Variants in HERC2 observed in about 807,000 individuals in gnomAD.
The protein encoded by HERC2 is HECT and RLD domain containing E3 ubiquitin protein ligase 2.
In HERC2, 102 loss-of-function variants were observed where a neutral mutation model predicts 537.7. The ratio of observed to expected loss-of-function variants is 0.19; its 90% CI spans 0.16 to 0.22. HERC2 has a LOEUF of 0.22. Ranked by LOEUF, HERC2 falls within the 10% of genes least tolerant of loss-of-function variation. HERC2 has a pLI of 1.00. For synonymous variants in HERC2, 2,224 were observed against 2,466.2 expected, an observed-to-expected ratio of 0.90 and a Z score of 2.91; for missense variants, 4,236 against 6,198.2, an observed-to-expected ratio of 0.68 and a Z score of 10.63.
intron 78 of HERC2, among the ~76,000 whole-genome samples, chr15:28,138,261 G>A (rs1217905798): frequency 6.6e-6 from 1 of 152,164 alleles, no homozygotes; most frequent in African/African-American, 2.4e-5. Context: ...AGGTGGCTAC[G>A]CTAAACAACA....
chr15:28,174,889 C>T (rs764228926), intron 64 of HERC2, among the ~76,000 whole-genome samples: 1 of 152,068 alleles, frequency 6.6e-6, no homozygotes, highest in African/African-American at 2.4e-5. Context: ...TTGCAAGACA[C>T]ACAGAAGGTC....
Position 28,178,245 on chromosome 15 carries a change from G to A in HERC2, c.9163+642C>T, listed in dbSNP as rs12591834. ...GAGAGGGGGCTGCGTGGGCAGGAGG[G>A]CACACTGTGTGGTGCTTGCCTCTTC... On this transcript the variant is annotated intron_variant, in intron 59 of 92. Coordinates refer to ENST00000261609, the MANE Select transcript of HERC2 (RefSeq NM_004667.6). 3.3e-5 allele frequency among the ~76,000 whole-genome samples: 5 copies of A among 152,210 alleles called. No individual in the cohort carries two copies. The East Asian group carries it at 5.8e-4, about 18-fold the overall frequency.
At chr15:28,318,724 G>C (rs1596476901) in intron 2 of HERC2, among the ~76,000 whole-genome samples, 3 of 152,236 alleles carry the variant, frequency 2.0e-5, no homozygotes, top group Admixed American at 2.0e-4. Flanking sequence ...GCTGGATGTA[G>C]GGCCCTAGGC....
Position 28,112,008 on chromosome 15 carries a change from G to A in HERC2, c.14260C>T (p.His4754Tyr), listed in dbSNP as rs151325729. 33 of 1,613,816 alleles carry A rather than the reference G, an allele frequency of 2.0e-5. No homozygotes were observed. Among genetic ancestry groups the A allele is most frequent in the Non-Finnish European group, 2.7e-5 (32 of 1,179,958 alleles). Residue 4754 changes from histidine (H) to tyrosine (Y), a missense_variant, in exon 93 of 93, where the codon CAC (histidine) becomes TAC (tyrosine). Transcript: ENST00000261609. ...CAGGTGTAGGACTCAGGGAGGAAGT[G>A]GTCTGGAGGGTTGTATTTATCCAAC... ...QVLDKYNPPDHFLPESYTCFF... is the reference protein window; with the variant it reads ...QVLDKYNPPDYFLPESYTCFF...
Position 28,135,639 on chromosome 15 carries a change from C to T in HERC2, c.12069G>A (p.Glu4023=), listed in dbSNP as rs755505384. 2.7e-5 allele frequency: 44 copies of T among 1,614,210 alleles called. No individual in the cohort carries two copies. The highest frequency in any genetic ancestry group is 3.6e-5 in the Non-Finnish European group (43 of 1,180,034). The change falls in exon 79 of 93, where the codon GAG becomes GAA. Residue 4023 remains glutamate (E), a synonymous_variant. Transcript: ENST00000261609. The part of the protein sequence containing the change: ...AGGRLGIGGT[E]SVSTPTLLES... Reference sequence around the variant, plus strand: ...CAAGCAATGTTGGGGTGGACACCGACTCTGTCCCTCCAATGCCTAGTCTGC... The same window carrying T: ...CAAGCAATGTTGGGGTGGACACCGATTCTGTCCCTCCAATGCCTAGTCTGC...
Position 28,113,159 on chromosome 15 carries a change from T to C in HERC2, c.14144A>G (p.Glu4715Gly). The C allele has an allele frequency of 1.2e-6, 2 of 1,614,060 alleles. No individual in the cohort carries two copies. The highest frequency in any genetic ancestry group is 1.7e-6 in the Non-Finnish European group (2 of 1,180,028). Residue 4715 changes from glutamate to glycine, a missense_variant, in exon 92 of 93, where the codon GAG becomes GGG. Coordinates refer to ENST00000261609, the MANE Select transcript of HERC2 (RefSeq NM_004667.6). This position sits in a 1 kb window ranked among gnomAD's most constrained non-coding sequence, Gnocchi z 7.0. ...WEVMESFSNT[E>G]RSLFLRFVWG... ...GACGAAGCGAAGGAAAAGAGAGCGC[T>C]CTGTGTTGGAGAAGGACTCCATCAC...
intron 37 of HERC2, among the ~76,000 whole-genome samples, chr15:28,220,088 A>G (rs977969127): frequency 2.6e-5 from 4 of 152,196 alleles, no homozygotes; most frequent in African/African-American, 7.2e-5. Context: ...GACCGAGACC[A>G]CAGGGCAATT....
At position 28,201,471 on chromosome 15, in the gene HERC2, C is replaced by T. The variant is rs773881673; in HGVS notation, c.7701G>A (p.Val2567=). 43 of 1,603,210 alleles carry T rather than the reference C, an allele frequency of 2.7e-5. No homozygotes were observed. The South Asian group carries it at 4.3e-4, about 16-fold the overall frequency. ...FLSNDDYAVY[V]RENIQVGMMV... ...AATTACTCACCTGAATATTCTCTCT[C>T]ACATATACAGCATAATCATCATTAC... Residue 2567 remains valine, a synonymous_variant, in exon 48 of 93, where the codon GTG becomes GTA. Coordinates refer to ENST00000261609, the MANE Select transcript of HERC2 (RefSeq NM_004667.6).
Position 28,201,561 on chromosome 15 carries a change from G to A in HERC2, c.7618-7C>T, listed in dbSNP as rs144413909. On this transcript the variant is annotated splice_polypyrimidine_tract_variant and splice_region_variant and intron_variant, in intron 47 of 92. Transcript: ENST00000261609. ...TCACAACAGCACCAGTAGACTGCAA[G>A]AAATAAATACATTCAAACAAAAAAA... The A allele has an allele frequency of 6.3e-7, 1 of 1,590,864 alleles. No homozygotes were observed.
In HERC2 at chr15:28,293,159, C is replaced by G. The variant is rs1046321653; in HGVS notation, c.188-137G>C. 1.2e-5 allele frequency: 9 copies of G among 730,142 alleles called. No individual in the cohort carries two copies. The African/African-American group carries it at 1.6e-4, about 13-fold the overall frequency. The allele number at this position is 730,142 out of a possible 1,614,324, so 45.2% of individuals were successfully genotyped here. On this transcript the variant is annotated intron_variant, in intron 3 of 92. Coordinates refer to ENST00000261609, the MANE Select transcript of HERC2 (RefSeq NM_004667.6). ...TGGACAACGTAAAAATAAAATACAT[C>G]AATCATACCTGTAACAGACCCAGTA... is the stretch of plus-strand genomic sequence containing the variant.
intron 20 of HERC2, among the ~76,000 whole-genome samples, chr15:28,251,599 G>A (rs1388957250): frequency 5.9e-5 from 9 of 152,160 alleles, no homozygotes; most frequent in African/African-American, 1.9e-4. Context: ...TCAGGAGTTC[G>A]AGACCAGCCT....
At chr15:28,300,088 G>GAC (rs1170919590) in intron 2 of HERC2, among the ~76,000 whole-genome samples, 3 of 148,806 alleles carry the variant, frequency 2.0e-5, no homozygotes, top group Admixed American at 6.7e-5. Flanking sequence ...AGAAAAAAAA[G>GAC]ACACACACAC....
At chr15:28,143,647 C>T (rs1473943641) in intron 74 of HERC2, among the ~76,000 whole-genome samples, 1 of 151,954 alleles carries the variant, frequency 6.6e-6, no homozygotes, top group African/African-American at 2.4e-5. Context: ...AGGATTTCAC[C>T]GTGTTAGCCA....
intron 83 of HERC2, among the ~76,000 whole-genome samples, chr15:28,125,820 T>C (rs1450931605): frequency 6.6e-6 from 1 of 152,164 alleles, no homozygotes; most frequent in African/African-American, 2.4e-5. Flanking sequence ...ATTACATGCA[T>C]GAACCACTGT....
At chr15:28,181,841 A>G (rs1347585196) in intron 57 of HERC2, among the ~76,000 whole-genome samples, 1 of 152,232 alleles carries the variant, frequency 6.6e-6, no homozygotes, top group Non-Finnish European at 1.5e-5. Context: ...CTTCCCGTGC[A>G]AGCTTCATGG....
In HERC2 at chr15:28,265,415, G is replaced by A. The variant is rs2075535357; in HGVS notation, c.1870+203C>T. ...ATAAAATGCCCACACAGGAACGGCG[G>A]CAGCTGCTAACCAGCTGAGAGGCCT... is the stretch of plus-strand genomic sequence containing the variant. On this transcript the variant is annotated intron_variant, in intron 14 of 92. Transcript: ENST00000261609. This position sits in a 1 kb window ranked among gnomAD's most constrained non-coding sequence, Gnocchi z 4.0. 6.6e-6 allele frequency among the ~76,000 whole-genome samples: 1 copy of A among 152,138 alleles called. No homozygotes were observed. Among genetic ancestry groups the A allele is most frequent in the Non-Finnish European group, 1.5e-5 (1 of 68,018 alleles).
intron 88 of HERC2, among the ~76,000 whole-genome samples, chr15:28,116,158 G>C (rs755918926): frequency 8.6e-5 from 13 of 151,978 alleles, no homozygotes; most frequent in Non-Finnish European, 8.8e-5. Flanking sequence ...GAAGTCAACA[G>C]CACCTCGTTC....
chr15:28,146,337 T>C lies in HERC2; in HGVS notation c.10908A>G (p.Glu3636=), dbSNP rs1164178375. 3 of 1,613,050 alleles carry C rather than the reference T, an allele frequency of 1.9e-6. No individual in the cohort carries two copies. The South Asian group carries it at 3.3e-5, about 18-fold the overall frequency. The change falls in exon 71 of 93, where the codon GAA becomes GAG. Residue 3636 remains glutamate (E), a synonymous_variant. Coordinates refer to ENST00000261609, the MANE Select transcript of HERC2 (RefSeq NM_004667.6). ...GCCGGTCAAATTCTACCCTGAGTCC[T>C]TCTGCACCTGAAGGACAGGCAAGCA... ...TSGTVKIPGA[E]GLRVEFDRQC...
chr15:28,211,677 C>T (rs1399531805), intron 43 of HERC2, among the ~76,000 whole-genome samples: 1 of 152,006 alleles, frequency 6.6e-6, no homozygotes, highest in East Asian at 1.9e-4. Context: ...GGTTTATTCA[C>T]CACGATGGGA....
Sources: allele counts gnomAD v4.1 joint callset (sites outside exome capture counted in the v4.1 genomes callset), GRCh38; gene constraint gnomAD v4.1.1; non-coding constraint Gnocchi (gnomAD v3.1); transcripts MANE v1.5; gene names NCBI Gene and HGNC (gene_info 2026-07-23, HGNC 2026-07-21).